AMY2B: variants seen among roughly 807,000 people sequenced by gnomAD.
The protein encoded by AMY2B is alpha-amylase 2B.
A neutral mutation model predicts 59.3 loss-of-function variants in AMY2B; 63 were observed. That is an observed-to-expected ratio of 1.06 (90% confidence interval 0.87 to 1.31). The LOEUF (loss-of-function observed/expected upper bound fraction) is 1.31. Ranked by LOEUF, AMY2B falls within the 50% of genes most tolerant of loss-of-function variation. The probability of loss-of-function intolerance (pLI) is 0.00; values close to 1 mark genes in which losing one functional copy is unlikely to be tolerated. For missense variants in AMY2B, 635 were observed against 626.7 expected (o/e 1.01, Z -0.14); for synonymous variants, 180 against 198.1 (o/e 0.91, Z 0.77).
chr1:103,574,725 A>G (rs1475381052), intron 5 of AMY2B, among the ~76,000 whole-genome samples: 1 of 151,982 alleles, frequency 6.6e-6, no homozygotes, highest in Non-Finnish European at 1.5e-5. Flanking sequence ...GTATGTACAA[A>G]GTTTCCATAC....
chr1:103,575,629 A>G, intron 7 of AMY2B, 89 bp downstream of exon 7: 3 of 1,545,500 alleles, frequency 1.9e-6, no homozygotes, highest in Non-Finnish European at 2.6e-6. Flanking sequence ...TTAATTATAT[A>G]TTCAACAAAT....
chr1:103,560,828 A>G (rs891051443), intron 1 of AMY2B, among the ~76,000 whole-genome samples: 4 of 152,148 alleles, frequency 2.6e-5, no homozygotes, highest in Non-Finnish European at 5.9e-5. Flanking sequence ...ATATTTTCAT[A>G]TAATATTTTA....
At chr1:103,570,084 G>A, upstream of AMY2B, 1 of 433,830 alleles carries the variant, frequency 2.3e-6, no homozygotes, top group South Asian at 1.9e-5. Context: ...TTCTGCATCT[G>A]GACCTGGCTG....
intron 1 of AMY2B, chr1:103,555,366 T>G (rs1156928599): frequency 2.6e-5 from 4 of 151,924 alleles, no homozygotes; most frequent in Admixed American, 6.6e-5. Flanking sequence ...AATTCTTACC[T>G]GGATACCAAA....
chr1:103,571,390 A>C (rs989101583), upstream of AMY2B: 23 of 1,196,638 alleles, frequency 1.9e-5, no homozygotes, highest in African/African-American at 2.9e-4. Context: ...GAACCAAAAA[A>C]ACATTAATTT....
At chr1:103,569,066 C>G (rs910809376), upstream of AMY2B, 5 of 152,000 alleles carry the variant, frequency 3.3e-5, no homozygotes, top group Non-Finnish European at 7.4e-5. Flanking sequence ...CTTATGCAAC[C>G]ATGAGGTCTT....
At chr1:103,557,171 C>T (rs991518415) in intron 1 of AMY2B, among the ~76,000 whole-genome samples, 1 of 150,362 alleles carries the variant, frequency 6.7e-6, no homozygotes, top group African/African-American at 2.5e-5. Context: ...CACACACACA[C>T]ATACATACAT....
chr1:103,575,303 A>C lies in AMY2B; in HGVS notation c.959A>C (p.His320Pro). Residue 320 changes from histidine to proline, a missense_variant, in exon 6 of 10, where the codon CAT becomes CCT. Transcript: ENST00000684275. Reference sequence around the variant, plus strand: ...GATAACCATGACAATCAACGAGGACATGGGGCTGGAGGAGCCTCTATTCTT... The same window carrying C: ...GATAACCATGACAATCAACGAGGACCTGGGGCTGGAGGAGCCTCTATTCTT... ...FVDNHDNQRG[H>P]GAGGASILTF... 6.2e-7 allele frequency: 1 copy of C among 1,613,680 alleles called. No individual in the cohort carries two copies.
chr1:103,570,651 A>G (rs1652091744), upstream of AMY2B: 2 of 586,756 alleles, frequency 3.4e-6, no homozygotes, highest in Admixed American at 1.9e-5. Context: ...GGCCCCCTCC[A>G]TCGTCCACCG....
At chr1:103,573,545 C>G (rs1009681504) in intron 3 of AMY2B, among the ~76,000 whole-genome samples, 163 bp from the exon 4 acceptor site, 1 of 152,064 alleles carries the variant, frequency 6.6e-6, no homozygotes, top group Non-Finnish European at 1.5e-5. Context: ...GAAAATATTT[C>G]CAAGATACAT....
intron 1 of AMY2B, chr1:103,555,174 G>A (rs761074406): frequency 2.0e-5 from 3 of 151,898 alleles, no homozygotes; most frequent in Non-Finnish European, 4.4e-5. Flanking sequence ...CAGTGAATTG[G>A]AAACATATTA....
chr1:103,562,824 T>G (rs1335729508), intron 1 of AMY2B, among the ~76,000 whole-genome samples: 1 of 151,958 alleles, frequency 6.6e-6, no homozygotes, highest in East Asian at 1.9e-4. Context: ...GAAAGACAAG[T>G]TATTTGGAAG....
At chr1:103,559,362 G>T (rs1044905562) in intron 1 of AMY2B, among the ~76,000 whole-genome samples, 1 of 152,122 alleles carries the variant, frequency 6.6e-6, no homozygotes, top group Non-Finnish European at 1.5e-5. Flanking sequence ...TGCCATCTAC[G>T]TTTATGGAAG....
chr1:103,576,429 A>G (rs1214309642), intron 7 of AMY2B, among the ~76,000 whole-genome samples: 2 of 152,152 alleles, frequency 1.3e-5, no homozygotes, highest in African/African-American at 2.4e-5. Flanking sequence ...TTCTGATGTT[A>G]AGGGTCACAG....
In AMY2B at chr1:103,577,503, G is replaced by C. The variant is rs761960151; in HGVS notation, c.1115G>C (p.Trp372Ser). ...QFQNGNDVND[W>S]VGPPNNNGVI... ...CCCCTAATTAAGGATGTTAATGATTGGGTTGGGCCACCAAATAATAATGGA... is the reference window on the plus strand; with the variant it reads ...CCCCTAATTAAGGATGTTAATGATTCGGTTGGGCCACCAAATAATAATGGA... The change falls in exon 8 of 10, where the codon TGG becomes TCG. Residue 372 changes from tryptophan to serine, a missense_variant. Transcript: ENST00000684275. The C allele has an allele frequency of 6.2e-7, 1 of 1,611,730 alleles. No homozygotes were observed. The highest frequency in any genetic ancestry group is 1.3e-5 in the African/African-American group (1 of 74,824).
intron 1 of AMY2B, among the ~76,000 whole-genome samples, chr1:103,561,207 G>A (rs780350909): frequency 6.6e-6 from 1 of 152,078 alleles, no homozygotes; most frequent in Non-Finnish European, 1.5e-5. Context: ...GGTTCATACA[G>A]AAAAAAATGT....
chr1:103,574,907 C>A (rs1652284263), intron 5 of AMY2B, among the ~76,000 whole-genome samples: 1 of 150,996 alleles, frequency 6.6e-6, no homozygotes, highest in Non-Finnish European at 1.5e-5. Flanking sequence ...CTGAAAGGAC[C>A]TTTTTTAATA....
At chr1:103,557,219 A>G (rs1371838423) in intron 1 of AMY2B, among the ~76,000 whole-genome samples, 6 of 152,176 alleles carry the variant, frequency 3.9e-5, no homozygotes, top group South Asian at 2.1e-4. Flanking sequence ...AGCATCAGGA[A>G]ATATATACCC....
chr1:103,557,583 G>A (rs894674294), intron 1 of AMY2B, among the ~76,000 whole-genome samples: 2 of 151,970 alleles, frequency 1.3e-5, no homozygotes, highest in African/African-American at 4.8e-5. Flanking sequence ...GAACCCGAAG[G>A]TGGAGGTTGC....
Sources: gnomAD v4.1 joint callset for allele counts (sites outside exome capture counted in the v4.1 genomes callset) on GRCh38, gnomAD v4.1.1 for gene constraint, MANE v1.5 for transcripts, NCBI Gene and HGNC (gene_info 2026-07-23, HGNC 2026-07-21) for gene names.